The following RAB11FIP1 variants were observed in gnomAD, a reference collection of about 807,000 sequenced individuals.
RAB11FIP1 encodes the protein rab11 family-interacting protein 1.
In RAB11FIP1, 49 loss-of-function variants were observed where a neutral mutation model predicts 83.1. That is an observed-to-expected ratio of 0.59 (90% CI 0.47 to 0.75). RAB11FIP1 has a LOEUF of 0.75. Ranked by LOEUF, RAB11FIP1 falls within the 30% of genes least tolerant of loss-of-function variation. The pLI is 0.00. For missense variants in RAB11FIP1, 1,536 were observed against 1,598.7 expected (o/e 0.96, Z 0.67); for synonymous variants, 670 against 656.0 (o/e 1.02, Z -0.33).
At chr8:37,893,538 C>A (rs951670854) in intron 1 of RAB11FIP1, among the ~76,000 whole-genome samples, 1 of 152,148 alleles carries the variant, frequency 6.6e-6, no homozygotes, top group Non-Finnish European at 1.5e-5. Context: ...AATCCCAGCA[C>A]TTCAGGAGGC....
chr8:37,879,547 A>T (rs1183365992), intron 1 of RAB11FIP1, among the ~76,000 whole-genome samples: 1 of 152,134 alleles, frequency 6.6e-6, no homozygotes, highest in Non-Finnish European at 1.5e-5. Flanking sequence ...ATCACACAAC[A>T]ATGTGAATAT....
rs1288648982 is a variant in RAB11FIP1 at position 37,861,085 on chromosome 8, A to T, written c.*1810T>A. 1 of 153,080 alleles carries T rather than the reference A, an allele frequency of 6.5e-6. No homozygotes were observed. Among genetic ancestry groups the T allele is most frequent in the Non-Finnish European group, 1.5e-5 (1 of 68,680 alleles). The allele number at this position is 153,080 out of a possible 1,614,324, so 9.5% of individuals were successfully genotyped here. On this transcript the variant is annotated 3_prime_UTR_variant, in exon 6 of 6. Coordinates refer to ENST00000330843, the MANE Select transcript of RAB11FIP1 (RefSeq NM_001002814.3). ...TATCATAGCCAGGGAAAAAAATGAG[A>T]AATACCAGAAACATTCTAATTCCAG...
In RAB11FIP1 at chr8:37,899,062, C is replaced by T. The variant is rs746695805; in HGVS notation, c.371+9G>A. On this transcript the variant is annotated intron_variant, in intron 1 of 5. Coordinates refer to ENST00000330843, the MANE Select transcript of RAB11FIP1 (RefSeq NM_001002814.3). The surrounding 1 kb of genome is among the most constrained non-coding windows in gnomAD (Gnocchi z 4.5). ...CAGGCCGGGCCCTCCCCTCCCCGCC[C>T]GCACTCACTGCGTCTTCCTGCGGCC... The T allele has an allele frequency of 4.0e-5, 60 of 1,481,862 alleles. No homozygotes were observed. The highest frequency in any genetic ancestry group is 5.1e-5 in the Non-Finnish European group (57 of 1,124,854). The allele number at this position is 1,481,862 out of a possible 1,614,324, so 91.8% of individuals were successfully genotyped here.
chr8:37,879,787 G>T (rs1401364305), intron 1 of RAB11FIP1, among the ~76,000 whole-genome samples: 7 of 152,122 alleles, frequency 4.6e-5, no homozygotes, highest in African/African-American at 7.2e-5. Flanking sequence ...AGAGGCTGAG[G>T]CAGGAGAATC....
At chr8:37,878,592 G>A (rs553694068) in intron 1 of RAB11FIP1, among the ~76,000 whole-genome samples, 12 of 148,704 alleles carry the variant, frequency 8.1e-5, no homozygotes, top group African/African-American at 2.2e-4. Flanking sequence ...GAAGGGTGGC[G>A]TGCAAATGAT....
intron 4 of RAB11FIP1, chr8:37,871,070 A>G (rs1463062699): frequency 1.7e-5 from 10 of 591,498 alleles, no homozygotes; most frequent in Non-Finnish European, 2.6e-5. Flanking sequence ...TTCCTAAGCT[A>G]TATTTACAGA....
chr8:37,862,762 C>T lies in RAB11FIP1; in HGVS notation c.*133G>A. The T allele has an allele frequency of 4.5e-6, 3 of 672,728 alleles. No individual in the cohort carries two copies. The highest frequency in any genetic ancestry group is 7.8e-6 in the Non-Finnish European group (3 of 385,788). 41.7% of individuals were successfully genotyped at this position (672,728 alleles called of 1,614,324 possible). A position where few individuals can be genotyped will look rare whatever the true frequency, so the allele number is the denominator to read the frequency against. ...CTGGCTTCCATTGGTAGAATTCACT[C>T]TTGCCGGATAACATGTGAGGGAGAT... On this transcript the variant is annotated 3_prime_UTR_variant, in exon 6 of 6. Transcript: ENST00000330843.
chr8:37,870,853 G>A (rs771955583), intron 4 of RAB11FIP1: 7 of 299,124 alleles, frequency 2.3e-5, no homozygotes, highest in Non-Finnish European at 3.7e-5. Context: ...GGCATTCACT[G>A]TAAAACTCTG....
chr8:37,890,773 C>CAAAAAA (rs35503716), intron 1 of RAB11FIP1, among the ~76,000 whole-genome samples: 3 of 77,820 alleles, frequency 3.9e-5, no homozygotes, highest in Non-Finnish European at 8.4e-5. Flanking sequence ...AAAATTCTGC[C>CAAAAAA]AAAAAAAAAA....
chr8:37,884,315 G>A (rs1036975207), intron 1 of RAB11FIP1, among the ~76,000 whole-genome samples: 7 of 151,528 alleles, frequency 4.6e-5, no homozygotes, highest in East Asian at 2.0e-4. Context: ...CACCTGCTTC[G>A]GCCTCCCAAA....
rs894254911 is a variant in RAB11FIP1 at position 37,872,332 on chromosome 8, C to A, written c.2470G>T (p.Ala824Ser). 1.2e-6 allele frequency: 2 copies of A among 1,614,022 alleles called. No individual in the cohort carries two copies. The highest frequency in any genetic ancestry group is 2.7e-5 in the African/African-American group (2 of 74,920). ...CTGTGTCCTTCCACCAGCAAGGCAGCCCCCGCCACTGCCTCTTCCGTGAAG... is the reference window on the plus strand; with the variant it reads ...CTGTGTCCTTCCACCAGCAAGGCAGACCCCGCCACTGCCTCTTCCGTGAAG... ...QLFTEEAVAG[A>S]ALLVEGHSSC... Residue 824 changes from alanine to serine, a missense_variant, in exon 4 of 6, where the codon GCT becomes TCT. Transcript: ENST00000330843.
At chr8:37,894,711 C>T (rs943242362) in intron 1 of RAB11FIP1, among the ~76,000 whole-genome samples, 6 of 145,044 alleles carry the variant, frequency 4.1e-5, no homozygotes, top group South Asian at 2.1e-4. Context: ...CATATATATA[C>T]ATATATATAT....
In RAB11FIP1 at chr8:37,862,946, G is replaced by C. The variant is rs762659911; in HGVS notation, c.3801C>G (p.Pro1267=). The C allele has an allele frequency of 2.5e-6, 4 of 1,613,862 alleles. No homozygotes were observed. The Admixed American group carries it at 6.7e-5, about 27-fold the overall frequency. The change falls in exon 6 of 6, where the codon CCC becomes CCG. Residue 1267 remains proline, a synonymous_variant. Transcript: ENST00000330843. ...NLLVRVMEET[P]NILRIPTQVG... ...CCTGAGTCGGGATGCGGAGGATATT[G>C]GGGGTTTCTTCCATGACCCTGACAA...
chr8:37,898,962 C>T (rs1248773715), intron 1 of RAB11FIP1, 109 bp downstream of exon 1: 1 of 1,176,540 alleles, frequency 8.5e-7, no homozygotes, highest in Non-Finnish European at 1.1e-6. Context: ...TCCCGAAAGG[C>T]CTTCCCCGCT....
At chr8:37,893,106 A>T (rs1806983815) in intron 1 of RAB11FIP1, among the ~76,000 whole-genome samples, 1 of 137,532 alleles carries the variant, frequency 7.3e-6, no homozygotes, top group African/African-American at 2.8e-5. Flanking sequence ...ACAGAATCTC[A>T]CTCTATAGCC....
At chr8:37,879,074 G>A (rs772400536) in intron 1 of RAB11FIP1, among the ~76,000 whole-genome samples, 3 of 151,836 alleles carry the variant, frequency 2.0e-5, no homozygotes, top group East Asian at 1.9e-4. Flanking sequence ...TTGGGAGGCC[G>A]AGGCAGGCAG....
chr8:37,875,401 G>T, intron 2 of RAB11FIP1, 79 bp from the exon 3 acceptor site: 1 of 1,075,162 alleles, frequency 9.3e-7, no homozygotes, highest in Non-Finnish European at 1.4e-6. Context: ...GTCAACGTCT[G>T]GATACATTTC....
In RAB11FIP1 at chr8:37,872,461, C is replaced by A; in HGVS notation, c.2341G>T (p.Val781Phe). 2 of 1,614,200 alleles carry A rather than the reference C, an allele frequency of 1.2e-6. No individual in the cohort carries two copies. The highest frequency in any genetic ancestry group is 1.7e-6 in the Non-Finnish European group (2 of 1,180,032). Residue 781 changes from valine (V) to phenylalanine (F), a missense_variant, in exon 4 of 6, where the codon GTC becomes TTC. Coordinates refer to ENST00000330843, the MANE Select transcript of RAB11FIP1 (RefSeq NM_001002814.3). Reference protein sequence around the residue: ...VAPPLPMGASVPSIDSMMRKL... With the variant: ...VAPPLPMGASFPSIDSMMRKL... ...CGCATCATGGAATCAATGGAAGGGA[C>A]TGATGCTCCCATGGGAAGAGGGGGC...
intron 1 of RAB11FIP1, among the ~76,000 whole-genome samples, chr8:37,884,423 C>G (rs6984419): frequency 0.012 from 1,820 of 152,258 alleles, 37 homozygotes; most frequent in African/African-American, 0.042. Flanking sequence ...GGGTCTTGCT[C>G]TGTTGTCCAG....
Sources: allele counts gnomAD v4.1 joint callset (sites outside exome capture counted in the v4.1 genomes callset), GRCh38; gene constraint gnomAD v4.1.1; non-coding constraint Gnocchi (gnomAD v3.1); transcripts MANE v1.5; gene names NCBI Gene and HGNC (gene_info 2026-07-23, HGNC 2026-07-21).